Variants in GRIK4 observed in about 807,000 individuals in gnomAD.
The protein encoded by GRIK4 is glutamate receptor ionotropic, kainate 4.
In GRIK4, 40 loss-of-function variants were observed where a neutral mutation model predicts 104.9. The ratio of observed to expected loss-of-function variants is 0.38; its 90% confidence interval spans 0.30 to 0.50. The LOEUF (loss-of-function observed/expected upper bound fraction) is 0.50, where lower values mean the gene tolerates loss of function less well. Among genes scored for constraint, GRIK4 ranks in the 20% least tolerant of loss-of-function variants. The pLI is 0.93. For missense variants in GRIK4, 1,047 were observed against 1,308.1 expected (o/e 0.80, Z 3.08); for synonymous variants, 485 against 524.9 (o/e 0.92, Z 1.04).
intron 3 of GRIK4, among the ~76,000 whole-genome samples, chr11:120,673,570 A>G (rs1950054580): frequency 6.6e-6 from 1 of 152,204 alleles, no homozygotes; most frequent in Non-Finnish European, 1.5e-5. Flanking sequence ...TGTCCCTCAG[A>G]TCCAAACACC....
At chr11:120,776,307 G>A (rs750598111) in intron 3 of GRIK4, among the ~76,000 whole-genome samples, 8 of 152,188 alleles carry the variant, frequency 5.3e-5, no homozygotes, top group Non-Finnish European at 1.0e-4. Context: ...CCCAGGAGCC[G>A]GAGGAAGGGC....
At chr11:120,766,219 A>G (rs1837268918) in intron 3 of GRIK4, among the ~76,000 whole-genome samples, 2 of 152,210 alleles carry the variant, frequency 1.3e-5, no homozygotes, top group African/African-American at 2.4e-5. Context: ...TGCTCCACCC[A>G]GTCCAAATTT....
intron 3 of GRIK4, among the ~76,000 whole-genome samples, chr11:120,735,839 C>T (rs1447861939): frequency 6.6e-6 from 1 of 152,176 alleles, no homozygotes; most frequent in East Asian, 1.9e-4. Flanking sequence ...GGGAGTTCTG[C>T]CAGACCACTG....
chr11:120,955,269 T>C (rs572293990), intron 15 of GRIK4, among the ~76,000 whole-genome samples: 27 of 152,262 alleles, frequency 1.8e-4, no homozygotes, highest in Non-Finnish European at 3.4e-4. Context: ...GCCAGCCAGC[T>C]CCTCGGGACC....
At chr11:120,595,529 G>A (rs1948789333) in intron 1 of GRIK4, among the ~76,000 whole-genome samples, 1 of 152,238 alleles carries the variant, frequency 6.6e-6, no homozygotes, top group Non-Finnish European at 1.5e-5. Context: ...GGCGTGAATG[G>A]AGGAGTGGTG....
At chr11:120,886,667 C>T (rs1275565043) in intron 11 of GRIK4, among the ~76,000 whole-genome samples, 1 of 152,146 alleles carries the variant, frequency 6.6e-6, no homozygotes, top group Non-Finnish European at 1.5e-5. Context: ...ACAGAACTAC[C>T]ACGAATAATG....
At chr11:120,758,484 C>T (rs1036026310) in intron 3 of GRIK4, among the ~76,000 whole-genome samples, 2 of 152,182 alleles carry the variant, frequency 1.3e-5, no homozygotes, top group Non-Finnish European at 2.9e-5. Flanking sequence ...ATATTCACCT[C>T]TTAGAGGCTC....
At chr11:120,877,603 C>A (rs1035051587) in intron 11 of GRIK4, among the ~76,000 whole-genome samples, 22 of 152,162 alleles carry the variant, frequency 1.4e-4, no homozygotes, top group Non-Finnish European at 3.2e-4. Flanking sequence ...AGACTGTCTT[C>A]TAGGTATAAG....
intron 3 of GRIK4, among the ~76,000 whole-genome samples, chr11:120,693,012 G>T (rs907623566): frequency 6.7e-6 from 1 of 149,222 alleles, no homozygotes; most frequent in African/African-American, 2.5e-5. Context: ...GATTACAGGC[G>T]TGAGCCACTG....
chr11:120,523,989 C>T (rs111730947), intron 1 of GRIK4, among the ~76,000 whole-genome samples: 11 of 151,556 alleles, frequency 7.3e-5, no homozygotes, highest in African/African-American at 1.7e-4. Context: ...TGCAGTGGCA[C>T]GATCTCGGCT....
At chr11:120,691,024 G>A (rs115075136) in intron 3 of GRIK4, among the ~76,000 whole-genome samples, 55 of 152,048 alleles carry the variant, frequency 3.6e-4, no homozygotes, top group African/African-American at 1.1e-3. Context: ...CTCCCTCCTT[G>A]GCTTCTTTTT....
intron 8 of GRIK4, among the ~76,000 whole-genome samples, chr11:120,855,108 G>A (rs1303528557): frequency 3.3e-5 from 5 of 152,120 alleles, no homozygotes; most frequent in South Asian, 2.1e-4. Context: ...ACAGGCCAGC[G>A]GGGAAGCATT....
At chr11:120,798,125 C>T (rs564119486) in intron 3 of GRIK4, among the ~76,000 whole-genome samples, 57 of 138,318 alleles carry the variant, frequency 4.1e-4, no homozygotes, top group Non-Finnish European at 7.1e-4. Context: ...CCTCACGTGG[C>T]GGAGAGAAAA....
At chr11:120,707,374 T>G (rs115961031) in intron 3 of GRIK4, among the ~76,000 whole-genome samples, 1 of 152,294 alleles carries the variant, frequency 6.6e-6, no homozygotes, top group Admixed American at 6.5e-5. Context: ...AGGAAGCACC[T>G]GCCAGTGCGG....
chr11:120,609,552 A>G lies in GRIK4; in HGVS notation c.-158-44133A>G, dbSNP rs1591735914. ...TTTTTTTTTTTTTTTTTTGAGACAG[A>G]GTTTTGCTCTGTTGCCCAGGCTGGA... On this transcript the variant is annotated intron_variant, in intron 1 of 20. Coordinates refer to ENST00000527524, the MANE Select transcript of GRIK4 (RefSeq NM_014619.5). Among the ~76,000 whole-genome samples the G allele has an allele frequency of 7.8e-5, 5 of 63,884 alleles. 1 individual carries two copies. The highest frequency in any genetic ancestry group is 1.1e-4 in the Non-Finnish European group (4 of 36,340). 41.9% of individuals were successfully genotyped at this position (63,884 alleles called of 152,430 possible). A position where few individuals can be genotyped will look rare whatever the true frequency, so the allele number is the denominator to read the frequency against.
intron 1 of GRIK4, among the ~76,000 whole-genome samples, chr11:120,584,824 A>G (rs1407835066): frequency 6.6e-6 from 1 of 152,146 alleles, no homozygotes; most frequent in Non-Finnish European, 1.5e-5. Flanking sequence ...AGATGATCAT[A>G]TGGTTTTTGT....
At chr11:120,655,550 C>G (rs1036588442) in intron 2 of GRIK4, among the ~76,000 whole-genome samples, 1 of 152,140 alleles carries the variant, frequency 6.6e-6, no homozygotes, top group African/African-American at 2.4e-5. Context: ...TGTAAGAAGC[C>G]CCTGGCTGCT....
chr11:120,525,701 A>G (rs1947848038), intron 1 of GRIK4, among the ~76,000 whole-genome samples: 1 of 152,148 alleles, frequency 6.6e-6, no homozygotes, highest in Non-Finnish European at 1.5e-5. Context: ...TGAGCAATCC[A>G]AGGAAGCTTC....
Position 120,952,807 on chromosome 11 carries a change from T to C in GRIK4, c.1591-48T>C. The stretch of plus-strand genomic sequence containing the variant: ...CCCCGCCCTGCCTGCCCCAAGGTCA[T>C]GTTGACTGAATATGTGCGGTGAATC... On this transcript the variant is annotated intron_variant, in intron 14 of 20. Transcript: ENST00000527524. This position sits in a 1 kb window ranked among gnomAD's most constrained non-coding sequence, Gnocchi z 5.2. The C allele has an allele frequency of 7.6e-7, 1 of 1,316,090 alleles. No homozygotes were observed. The highest frequency in any genetic ancestry group is 1.1e-6 in the Non-Finnish European group (1 of 907,450). The allele number at this position is 1,316,090 out of a possible 1,614,324, so 81.5% of individuals were successfully genotyped here. A position where few individuals can be genotyped will look rare whatever the true frequency, so the allele number is the denominator to read the frequency against.
Sources: allele counts gnomAD v4.1 joint callset (sites outside exome capture counted in the v4.1 genomes callset), GRCh38; gene constraint gnomAD v4.1.1; non-coding constraint Gnocchi (gnomAD v3.1); transcripts MANE v1.5; gene names NCBI Gene and HGNC (gene_info 2026-07-23, HGNC 2026-07-21).